Variants in PAX2 observed in about 807,000 individuals in gnomAD.
PAX2 encodes the protein paired box 2.
In PAX2, 9 loss-of-function variants were observed where a neutral mutation model predicts 41.7. That is an observed-to-expected ratio of 0.22 (90% confidence interval 0.13 to 0.38). PAX2 has a LOEUF of 0.38. PAX2 is among the 10% of genes least tolerant of loss of function. The pLI is 1.00. For missense variants in PAX2, 418 were observed against 531.6 expected, an observed-to-expected ratio of 0.79 and a Z score of 2.10; for synonymous variants, 221 against 212.7, an observed-to-expected ratio of 1.04 and a Z score of -0.34.
chr10:100,825,073 A>C (rs1589907215), intron 8 of PAX2: 2 of 1,034,592 alleles, frequency 1.9e-6, no homozygotes, highest in Non-Finnish European at 1.5e-6. Context: ...TGCCCAGCCC[A>C]CCCCAGCCAG....
chr10:100,739,010 C>A (rs1318676289), intron 1 of PAX2, among the ~76,000 whole-genome samples: 1 of 118,882 alleles, frequency 8.4e-6, no homozygotes, highest in Admixed American at 8.9e-5. Flanking sequence ...CGCGCGCGCA[C>A]GCGGACACAC....
At chr10:100,803,684 C>G (rs1847650878) in intron 5 of PAX2, among the ~76,000 whole-genome samples, 1 of 152,074 alleles carries the variant, frequency 6.6e-6, no homozygotes, top group Non-Finnish European at 1.5e-5. Context: ...TGGGGGTTCT[C>G]CGCATGCTTT....
chr10:100,798,095 T>A (rs557888193), intron 5 of PAX2, among the ~76,000 whole-genome samples: 36 of 147,058 alleles, frequency 2.4e-4, no homozygotes, highest in African/African-American at 8.7e-4. Context: ...GCCTTCTTCA[T>A]GTCCACCTCT....
chr10:100,747,813 ACCGGGTCCACACG>A (rs1262825738), intron 1 of PAX2: 2 of 984,458 alleles, frequency 2.0e-6, no homozygotes, highest in Non-Finnish European at 2.4e-6. Flanking sequence ...GAGGAGTGGA[ACCGGGTCCACACG>A]CCGTTTTCGC....
chr10:100,814,796 T>G (rs1396323132), intron 7 of PAX2, among the ~76,000 whole-genome samples: 4 of 152,072 alleles, frequency 2.6e-5, no homozygotes, highest in Non-Finnish European at 5.9e-5. Flanking sequence ...AAGACTGCAG[T>G]TTTGAAGGAA....
In PAX2 at chr10:100,811,989, A is replaced by T. The variant is rs576079296; in HGVS notation, c.919+2753A>T. Among the ~76,000 whole-genome samples the T allele has an allele frequency of 1.3e-3, 199 of 152,328 alleles. 1 individual carries two copies. The highest frequency in any genetic ancestry group is 4.7e-3 in the African/African-American group (195 of 41,574). ...CTGGAGGCTGATTTCAAACTTCACC[A>T]GCCACTTGATGCAGCTATTCCACAA... On this transcript the variant is annotated intron_variant, in intron 7 of 9. Coordinates refer to ENST00000355243, the MANE Select transcript of PAX2 (RefSeq NM_000278.5).
At chr10:100,793,472 G>A (rs191027805) in intron 5 of PAX2, among the ~76,000 whole-genome samples, 1 of 152,304 alleles carries the variant, frequency 6.6e-6, no homozygotes, top group Admixed American at 6.5e-5. Context: ...TTAATACATG[G>A]ATCGCACACA....
At chr10:100,819,050 C>T (rs1300161047) in intron 7 of PAX2, among the ~76,000 whole-genome samples, 1 of 151,964 alleles carries the variant, frequency 6.6e-6, no homozygotes, top group Admixed American at 6.6e-5. Flanking sequence ...AGTTCGAGAC[C>T]AGCCTGGTCA....
In PAX2 at chr10:100,799,250, G is replaced by A. The variant is rs569996208; in HGVS notation, c.617-7180G>A. 4.6e-5 allele frequency among the ~76,000 whole-genome samples: 7 copies of A among 151,716 alleles called. No individual in the cohort carries two copies. In the South Asian group the frequency reaches 1.0e-3, roughly 23 times the overall value. ...CACCCACTGGTCCCCCCACCTCCACGCTTTTCTCTTTTCTTCCCATATCAC... is the reference window on the plus strand; with the variant it reads ...CACCCACTGGTCCCCCCACCTCCACACTTTTCTCTTTTCTTCCCATATCAC... On this transcript the variant is annotated intron_variant, in intron 5 of 9. Transcript: ENST00000355243.
At chr10:100,822,811 G>A (rs1028052326) in intron 7 of PAX2, among the ~76,000 whole-genome samples, 1 of 152,184 alleles carries the variant, frequency 6.6e-6, no homozygotes. Context: ...ACTAAACCAG[G>A]AGAGGTGATA....
upstream of PAX2, among the ~76,000 whole-genome samples, chr10:100,742,392 C>A (rs183034857): frequency 2.6e-3 from 384 of 150,348 alleles, no homozygotes; most frequent in African/African-American, 8.9e-3. Flanking sequence ...TACACCCAGA[C>A]AGAGCAGGCG....
chr10:100,818,782 C>T (rs1848277304), intron 7 of PAX2, among the ~76,000 whole-genome samples: 1 of 152,192 alleles, frequency 6.6e-6, no homozygotes, highest in East Asian at 1.9e-4. Context: ...ATATTACTTT[C>T]CTGGACCAAA....
At position 100,750,948 on chromosome 10, in the gene PAX2, A is replaced by G. The variant is rs1845417955; in HGVS notation, c.410+57A>G. The G allele has an allele frequency of 7.5e-6, 10 of 1,335,382 alleles. No homozygotes were observed. In the South Asian group the frequency reaches 1.1e-4, roughly 14 times the overall value. 82.7% of individuals were successfully genotyped at this position (1,335,382 alleles called of 1,614,324 possible). The stretch of plus-strand genomic sequence containing the variant: ...ACTCCAGCTCCTGGCTCCTGCCTGC[A>G]GGGGTGTCCCACGCCCAGTCTCTGC... On this transcript the variant is annotated intron_variant, in intron 3 of 9. Transcript: ENST00000355243. This position sits in a 1 kb window ranked among gnomAD's most constrained non-coding sequence, Gnocchi z 4.1.
At chr10:100,754,894 G>A (rs940159079) in intron 3 of PAX2, among the ~76,000 whole-genome samples, 12 of 152,174 alleles carry the variant, frequency 7.9e-5, no homozygotes, top group Admixed American at 7.2e-4. Context: ...GGTCAGGGCT[G>A]TTGGTCTCAT....
chr10:100,829,853 CA>C lies in PAX2; in HGVS notation c.*2235del, dbSNP rs1387363820. ...CGGTTCTGGTCTCCTCGGCCACTTT[CA>C]GTGCGTCGGTTCGTTTTGATTCTTT... is the stretch of plus-strand genomic sequence containing the variant. On this transcript the variant is annotated 3_prime_UTR_variant, in exon 10 of 10. Transcript: ENST00000355243. 5.2e-6 allele frequency: 1 copy of C among 190,610 alleles called. No individual in the cohort carries two copies. The highest frequency in any genetic ancestry group is 1.1e-5 in the Non-Finnish European group (1 of 90,566). 11.8% of individuals were successfully genotyped at this position (190,610 alleles called of 1,614,324 possible). A position where few individuals can be genotyped will look rare whatever the true frequency, so the allele number is the denominator to read the frequency against.
intron 7 of PAX2, among the ~76,000 whole-genome samples, chr10:100,816,935 C>G (rs543730770): frequency 6.6e-6 from 1 of 152,270 alleles, no homozygotes; most frequent in East Asian, 1.9e-4. Flanking sequence ...ACACAGAGCG[C>G]CTGAAAAACA....
chr10:100,742,748 A>T (rs941481082), upstream of PAX2, among the ~76,000 whole-genome samples: 17 of 151,688 alleles, frequency 1.1e-4, 1 homozygote, highest in African/African-American at 4.1e-4. Flanking sequence ...GGACGGGAAA[A>T]GCAACCAACC....
At chr10:100,817,873 T>C (rs1481635590) in intron 7 of PAX2, among the ~76,000 whole-genome samples, 1 of 152,224 alleles carries the variant, frequency 6.6e-6, no homozygotes, top group African/African-American at 2.4e-5. Context: ...ACATCTTGTG[T>C]GGATTTAAAG....
chr10:100,815,115 G>A (rs1051809666), intron 7 of PAX2, among the ~76,000 whole-genome samples: 1 of 152,188 alleles, frequency 6.6e-6, no homozygotes, highest in Non-Finnish European at 1.5e-5. Flanking sequence ...CCTACTCAGG[G>A]CATCCTGAGG....
Sources: allele counts gnomAD v4.1 joint callset (sites outside exome capture counted in the v4.1 genomes callset), GRCh38; gene constraint gnomAD v4.1.1; non-coding constraint Gnocchi (gnomAD v3.1); transcripts MANE v1.5; gene names NCBI Gene and HGNC (gene_info 2026-07-23, HGNC 2026-07-21).